The following CSMD2 variants were observed in gnomAD, a reference collection of about 807,000 sequenced individuals.
CSMD2 encodes the protein CUB and sushi domain-containing protein 2.
Under a neutral mutation model 398.5 loss-of-function variants are expected in CSMD2, and 130 were observed. That is an observed-to-expected ratio of 0.33 (90% CI 0.28 to 0.38). CSMD2 has a LOEUF of 0.38. CSMD2 is among the 10% of genes least tolerant of loss of function. The probability of loss-of-function intolerance (pLI) is 1.00; values close to 1 mark genes in which losing one functional copy is unlikely to be tolerated. For missense variants in CSMD2, 3,829 were observed against 4,764.9 expected, an observed-to-expected ratio of 0.80 and a Z score of 5.78; for synonymous variants, 1,828 against 1,908.5, an observed-to-expected ratio of 0.96 and a Z score of 1.10.
At chr1:33,779,003 C>T (rs1652356027) in intron 12 of CSMD2, among the ~76,000 whole-genome samples, 1 of 152,194 alleles carries the variant, frequency 6.6e-6, no homozygotes, top group Admixed American at 6.5e-5. Context: ...TGCAACTCCT[C>T]ATCTGGGTGC....
intron 22 of CSMD2, among the ~76,000 whole-genome samples, chr1:33,701,674 C>T (rs965059892): frequency 6.6e-6 from 1 of 152,188 alleles, no homozygotes; most frequent in South Asian, 2.1e-4. Context: ...TGTTTAGGCT[C>T]CTGGGAGCCT....
chr1:33,738,436 T>C (rs1046483496), intron 15 of CSMD2, among the ~76,000 whole-genome samples: 4 of 152,220 alleles, frequency 2.6e-5, no homozygotes, highest in Non-Finnish European at 4.4e-5. Flanking sequence ...TGGTACACCA[T>C]GCTTGGTACA....
intron 3 of CSMD2, among the ~76,000 whole-genome samples, chr1:33,962,772 T>A (rs1410483752): frequency 6.6e-6 from 1 of 152,208 alleles, no homozygotes; most frequent in Non-Finnish European, 1.5e-5. Flanking sequence ...TCCGCAAATG[T>A]CTGCTGCTCG....
intron 3 of CSMD2, among the ~76,000 whole-genome samples, chr1:33,939,141 A>G (rs1395763489): frequency 6.8e-6 from 1 of 147,032 alleles, no homozygotes; most frequent in African/African-American, 2.5e-5. Context: ...TGGCTTACTT[A>G]ACATTTCCCA....
chr1:33,871,920 T>A (rs1473732137), intron 5 of CSMD2, among the ~76,000 whole-genome samples: 2 of 152,198 alleles, frequency 1.3e-5, no homozygotes, highest in Non-Finnish European at 2.9e-5. Flanking sequence ...CCTGTTCTTA[T>A]AAAGCCACCA....
chr1:33,520,930 G>A (rs952902323), intron 68 of CSMD2, among the ~76,000 whole-genome samples: 12 of 152,250 alleles, frequency 7.9e-5, no homozygotes, highest in South Asian at 2.1e-4. Context: ...AGGCTCCAAG[G>A]TGTGGATGTT....
intron 3 of CSMD2, among the ~76,000 whole-genome samples, chr1:33,944,397 G>T (rs373037653): frequency 6.6e-6 from 1 of 152,288 alleles, no homozygotes; most frequent in South Asian, 2.1e-4. Flanking sequence ...TGAAGATTGA[G>T]ACCTACATCA....
intron 25 of CSMD2, among the ~76,000 whole-genome samples, chr1:33,665,835 C>A (rs1444191836): frequency 6.6e-6 from 1 of 152,130 alleles, no homozygotes; most frequent in African/African-American, 2.4e-5. Flanking sequence ...ACCAAAACAT[C>A]TGTTTACTCC....
chr1:34,151,038 T>G (rs1640268093), intron 1 of CSMD2, among the ~76,000 whole-genome samples: 1 of 152,150 alleles, frequency 6.6e-6, no homozygotes, highest in Admixed American at 6.5e-5. Context: ...CTGCTTTAAG[T>G]CTTTGTCTAG....
chr1:33,604,628 C>T (rs927592001), intron 42 of CSMD2, among the ~76,000 whole-genome samples: 1 of 152,140 alleles, frequency 6.6e-6, no homozygotes, highest in Non-Finnish European at 1.5e-5. Context: ...TGCCACTCCT[C>T]CAGGAAAATG....
chr1:33,595,776 C>A (rs948266198), intron 44 of CSMD2, among the ~76,000 whole-genome samples: 1 of 152,212 alleles, frequency 6.6e-6, no homozygotes, highest in African/African-American at 2.4e-5. Flanking sequence ...CTGCCCCAGG[C>A]TTGGGATTAG....
intron 1 of CSMD2, among the ~76,000 whole-genome samples, chr1:34,147,788 C>T (rs77473173): frequency 2.0e-5 from 3 of 152,106 alleles, no homozygotes; most frequent in Non-Finnish European, 4.4e-5. Flanking sequence ...GACGTCCCTG[C>T]GTAACACAGG....
chr1:33,857,955 C>T (rs1369786769), intron 5 of CSMD2, among the ~76,000 whole-genome samples: 1 of 152,186 alleles, frequency 6.6e-6, no homozygotes, highest in Non-Finnish European at 1.5e-5. Context: ...GAGTTATCAA[C>T]CCAGAGTTGG....
intron 25 of CSMD2, among the ~76,000 whole-genome samples, chr1:33,683,248 T>G (rs1016195162): frequency 6.6e-6 from 1 of 152,356 alleles, no homozygotes; most frequent in East Asian, 1.9e-4. Context: ...CCATCTTCTA[T>G]TGATCATGCA....
rs183137852 is a variant in CSMD2 at position 33,822,106 on chromosome 1, C to T, written c.1112-1550G>A. Among the ~76,000 whole-genome samples the T allele has an allele frequency of 7.0e-4, 106 of 152,168 alleles. No homozygotes were observed. The East Asian group carries it at 8.9e-3, about 13-fold the overall frequency. Reference sequence around the variant, plus strand: ...GGTGGGGAGAAGGCGTGGTGAGACCCGCTGGCTCAAAGGTGGGCCAGTTAC... The same window carrying T: ...GGTGGGGAGAAGGCGTGGTGAGACCTGCTGGCTCAAAGGTGGGCCAGTTAC... On this transcript the variant is annotated intron_variant, in intron 7 of 70. Coordinates refer to ENST00000373381, the MANE Select transcript of CSMD2 (RefSeq NM_001281956.2).
intron 25 of CSMD2, among the ~76,000 whole-genome samples, chr1:33,666,543 G>A (rs79170690): frequency 0.037 from 62 of 1,688 alleles, no homozygotes; most frequent in Non-Finnish European, 0.087. Context: ...ATATATATAT[G>A]TGTGTGTGTG....
chr1:33,901,696 T>C (rs142835552), intron 5 of CSMD2, among the ~76,000 whole-genome samples: 13 of 152,340 alleles, frequency 8.5e-5, no homozygotes, highest in African/African-American at 2.6e-4. Context: ...TAGTTCAGCA[T>C]TGTAATCACA....
At chr1:33,874,868 C>G (rs1640729223) in intron 5 of CSMD2, among the ~76,000 whole-genome samples, 1 of 152,220 alleles carries the variant, frequency 6.6e-6, no homozygotes, top group Non-Finnish European at 1.5e-5. Flanking sequence ...TAATTAGCAG[C>G]AGTGGGCATG....
intron 3 of CSMD2, among the ~76,000 whole-genome samples, chr1:33,976,083 T>A (rs1051758427): frequency 6.6e-6 from 1 of 152,212 alleles, no homozygotes. Context: ...AACCCTTCGA[T>A]GCTGAGCCAA....
Sources: allele counts gnomAD v4.1 joint callset (sites outside exome capture counted in the v4.1 genomes callset), GRCh38; gene constraint gnomAD v4.1.1; transcripts MANE v1.5; gene names NCBI Gene and HGNC (gene_info 2026-07-23, HGNC 2026-07-21).